The following PEAK1 variants were observed in gnomAD, a reference collection of about 807,000 sequenced individuals.
PEAK1 encodes inactive tyrosine-protein kinase PEAK1.
Under a neutral mutation model 124.7 loss-of-function variants are expected in PEAK1, and 54 were observed. The observed-to-expected ratio is 0.43, with a 90% CI of 0.35 to 0.54. The LOEUF is 0.54. PEAK1 is among the 20% of genes least tolerant of loss of function. The pLI, the probability that PEAK1 is intolerant of heterozygous loss-of-function variation, is 0.01. For missense variants in PEAK1, 2,046 were observed against 2,134.5 expected (o/e 0.96, Z 0.82); for synonymous variants, 719 against 760.0 (o/e 0.95, Z 0.89).
intron 1 of PEAK1, chr15:77,401,499 A>G (rs1240502249): frequency 1.0e-6 from 1 of 964,176 alleles, no homozygotes; most frequent in African/African-American, 1.8e-5. Context: ...ACAATTTTTA[A>G]GAGTATAAGA....
Position 77,113,292 on chromosome 15 carries a change from C to T in PEAK1, c.*864G>A, listed in dbSNP as rs1229421916. The T allele has an allele frequency of 1.3e-5, 2 of 152,234 alleles. No individual in the cohort carries two copies. The highest frequency in any genetic ancestry group is 2.4e-5 in the African/African-American group (1 of 41,446). 9.4% of individuals were successfully genotyped at this position (152,234 alleles called of 1,614,324 possible). A position where few individuals can be genotyped will look rare whatever the true frequency, so the allele number is the denominator to read the frequency against. ...CTTTAAACTCTGTTTCCTGATGGCC[C>T]CTAGAGAATTGCACATGCAAGAAAA... is the stretch of plus-strand genomic sequence containing the variant. On this transcript the variant is annotated 3_prime_UTR_variant, in exon 10 of 10. Coordinates refer to ENST00000682557, the MANE Select transcript of PEAK1 (RefSeq NM_001385026.1).
chr15:77,326,255 T>G (rs1049649083), intron 2 of PEAK1, among the ~76,000 whole-genome samples: 2 of 152,120 alleles, frequency 1.3e-5, no homozygotes, highest in African/African-American at 4.8e-5. Flanking sequence ...GTCTATTAAC[T>G]TTGATAAAGG....
chr15:77,266,758 A>G, intron 5 of PEAK1, among the ~76,000 whole-genome samples: 1 of 152,204 alleles, frequency 6.6e-6, no homozygotes, highest in Non-Finnish European at 1.5e-5. Context: ...AGCAGCATGT[A>G]GAGACCCACA....
At chr15:77,188,715 T>G (rs1279707453) in intron 6 of PEAK1, among the ~76,000 whole-genome samples, 1 of 152,072 alleles carries the variant, frequency 6.6e-6, no homozygotes, top group African/African-American at 2.4e-5. Context: ...TGTGATGAAG[T>G]TTTGCCTAAC....
chr15:77,181,491 T>C lies in PEAK1; in HGVS notation c.436A>G (p.Asn146Asp). The C allele has an allele frequency of 6.2e-7, 1 of 1,614,156 alleles. No individual in the cohort carries two copies. The highest frequency in any genetic ancestry group is 1.1e-5 in the South Asian group (1 of 91,088). Residue 146 changes from asparagine to aspartate, a missense_variant, in exon 7 of 10, where the codon AAT (asparagine) becomes GAT (aspartate). Asn to Asp is a conservative substitution (Grantham distance 23). Coordinates refer to ENST00000682557, the MANE Select transcript of PEAK1 (RefSeq NM_001385026.1). ...NDSAKKMSDN[N>D]NGLTEVLKEI... is the part of the protein sequence containing the mutation. ...TTTAACACTTCAGTTAGTCCATTAT[T>C]GTTATCTGACATCTTCTTTGCACTA...
At chr15:77,250,253 A>T (rs1401937200) in intron 6 of PEAK1, among the ~76,000 whole-genome samples, 1,204 of 69,696 alleles carry the variant, frequency 0.017, 23 homozygotes, top group African/African-American at 0.04. Flanking sequence ...ATATATATAT[A>T]TATATTTTTT....
chr15:77,318,525 C>T (rs550188773), intron 2 of PEAK1, among the ~76,000 whole-genome samples: 54 of 152,090 alleles, frequency 3.6e-4, no homozygotes, highest in Middle Eastern at 3.4e-3. Flanking sequence ...AGCTGTCCAA[C>T]GACAGAGTGG....
intron 6 of PEAK1, among the ~76,000 whole-genome samples, chr15:77,201,232 C>CTT (rs11363810): frequency 0.012 from 928 of 77,214 alleles, 1 homozygote; most frequent in African/African-American, 0.017. Context: ...GCCTTTGTGT[C>CTT]TTTTTTTTTT....
intron 1 of PEAK1, among the ~76,000 whole-genome samples, chr15:77,394,116 G>A (rs551925909): frequency 6.6e-6 from 1 of 152,294 alleles, no homozygotes; most frequent in South Asian, 2.1e-4. Context: ...CATTAGAATA[G>A]AGCATCAGCT....
chr15:77,391,408 A>G (rs1024568641), intron 1 of PEAK1, among the ~76,000 whole-genome samples: 1 of 149,862 alleles, frequency 6.7e-6, no homozygotes, highest in East Asian at 2.0e-4. Context: ...TTTATATTCT[A>G]AACTTTATAT....
chr15:77,326,582 T>C (rs1398172397), intron 2 of PEAK1, among the ~76,000 whole-genome samples: 1 of 152,162 alleles, frequency 6.6e-6, no homozygotes, highest in Admixed American at 6.5e-5. Context: ...ACAAGGAATA[T>C]TTCTCTCATC....
At chr15:77,147,404 T>C (rs774043586) in intron 8 of PEAK1, among the ~76,000 whole-genome samples, 1 of 152,158 alleles carries the variant, frequency 6.6e-6, no homozygotes, top group East Asian at 1.9e-4. Flanking sequence ...ATATTATAGA[T>C]CTTTCTAAAA....
Position 77,179,026 on chromosome 15 carries a change from TGGA to T in PEAK1, c.2898_2900del (p.Pro967del), listed in dbSNP as rs758895806. 1.9e-6 allele frequency: 3 copies of T among 1,614,134 alleles called. No homozygotes were observed. Among genetic ancestry groups the T allele is most frequent in the Non-Finnish European group, 2.5e-6 (3 of 1,180,026 alleles). On this transcript the variant is annotated inframe_deletion, in exon 7 of 10. Coordinates refer to ENST00000682557, the MANE Select transcript of PEAK1 (RefSeq NM_001385026.1). ...CTGTGAACCAGTGATGGCGCTGAACTGGAGGAGGAGGCAGCATGTGAATGACTG... is the reference window on the plus strand; with the variant it reads ...CTGTGAACCAGTGATGGCGCTGAACTGGAGGAGGCAGCATGTGAATGACTG...
intron 6 of PEAK1, among the ~76,000 whole-genome samples, chr15:77,185,567 A>C (rs1442260414): frequency 2.0e-5 from 3 of 152,356 alleles, no homozygotes; most frequent in African/African-American, 4.8e-5. Context: ...TGGCAACATG[A>C]GCTCATCTGT....
intron 5 of PEAK1, among the ~76,000 whole-genome samples, chr15:77,256,707 T>C (rs1015350807): frequency 7.2e-5 from 11 of 152,144 alleles, no homozygotes; most frequent in African/African-American, 2.2e-4. Context: ...TTATATATTG[T>C]CTATGGCTAA....
At chr15:77,163,053 C>T (rs988621472) in intron 7 of PEAK1, among the ~76,000 whole-genome samples, 1 of 152,152 alleles carries the variant, frequency 6.6e-6, no homozygotes, top group Non-Finnish European at 1.5e-5. Flanking sequence ...CTCCTACTTC[C>T]GTAATAACTA....
chr15:77,296,246 G>A (rs1037477578), intron 2 of PEAK1, among the ~76,000 whole-genome samples: 164 of 152,284 alleles, frequency 1.1e-3, no homozygotes, highest in African/African-American at 3.8e-3. Context: ...TGGTAAAGGA[G>A]ATTTGATTAT....
intron 2 of PEAK1, among the ~76,000 whole-genome samples, chr15:77,363,613 G>T (rs1031611629): frequency 6.6e-6 from 1 of 152,110 alleles, no homozygotes; most frequent in African/African-American, 2.4e-5. Context: ...CACTTTCTCA[G>T]CTTTAACTTC....
chr15:77,114,736 C>T lies in PEAK1; in HGVS notation c.4661G>A (p.Ser1554Asn). 6.2e-7 allele frequency: 1 copy of T among 1,613,394 alleles called. No homozygotes were observed. Among genetic ancestry groups the T allele is most frequent in the Non-Finnish European group, 8.5e-7 (1 of 1,179,966 alleles). Residue 1554 changes from serine to asparagine, a missense_variant, in exon 10 of 10, where the codon AGC becomes AAC. Physicochemically the swap from Ser to Asn is conservative, Grantham distance 46 (BLOSUM62 1). Coordinates refer to ENST00000682557, the MANE Select transcript of PEAK1 (RefSeq NM_001385026.1). Reference protein sequence around the residue: ...TSSYPTRLIVSNFSQAKQKSH... With the variant: ...TSSYPTRLIVNNFSQAKQKSH... ...CTTCTGCTTGGCCTGAGAGAAGTTG[C>T]TCACTATAAGCCTAGTGGGATAAGA...
Sources: gnomAD v4.1 joint callset for allele counts (sites outside exome capture counted in the v4.1 genomes callset) on GRCh38, gnomAD v4.1.1 for gene constraint, MANE v1.5 for transcripts, NCBI Gene and HGNC (gene_info 2026-07-23, HGNC 2026-07-21) for gene names.